The following PDE1A variants were observed in gnomAD, a reference collection of about 807,000 sequenced individuals.
PDE1A encodes the protein dual specificity calcium/calmodulin-dependent 3',5'-cyclic nucleotide phosphodiesterase 1A.
PDE1A carries 35 observed loss-of-function variants against 61.7 expected under a neutral mutation model. The ratio of observed to expected loss-of-function variants is 0.57; its 90% CI spans 0.43 to 0.75. PDE1A has a LOEUF of 0.75. Among genes scored for constraint, PDE1A ranks in the 30% least tolerant of loss-of-function variants. The pLI is 0.00. For missense variants in PDE1A, 597 were observed against 630.6 expected, an observed-to-expected ratio of 0.95 and a Z score of 0.57; for synonymous variants, 232 against 213.2, an observed-to-expected ratio of 1.09 and a Z score of -0.77.
chr2:182,269,934 T>G (rs1692900063), intron 1 of PDE1A, among the ~76,000 whole-genome samples: 1 of 152,186 alleles, frequency 6.6e-6, no homozygotes, highest in African/African-American at 2.4e-5. Context: ...GCTATTGGTA[T>G]ATACCTTCAT....
intron 13 of PDE1A, 117 bp downstream of exon 13, chr2:182,185,775 T>C (rs753548106): frequency 6.5e-7 from 1 of 1,536,654 alleles, no homozygotes. Flanking sequence ...AAATTCCCAA[T>C]ACCATCAAGG....
chr2:182,177,470 G>C (rs1258128240), intron 13 of PDE1A, among the ~76,000 whole-genome samples: 1 of 152,052 alleles, frequency 6.6e-6, no homozygotes, highest in Non-Finnish European at 1.5e-5. Flanking sequence ...TAGCTTATTT[G>C]CATAGAGGTG....
intron 2 of PDE1A, among the ~76,000 whole-genome samples, chr2:182,248,187 C>A (rs1574141402): frequency 6.7e-6 from 1 of 149,120 alleles, no homozygotes; most frequent in Non-Finnish European, 1.5e-5. Context: ...AACCCAGAAC[C>A]AGAGGTTACA....
At chr2:182,159,920 T>G (rs2125295029) in intron 13 of PDE1A, among the ~76,000 whole-genome samples, 1 of 152,282 alleles carries the variant, frequency 6.6e-6, no homozygotes, top group East Asian at 1.9e-4. Context: ...GCCATTGCAC[T>G]TCAGGCTGGG....
At chr2:182,418,361 T>G (rs1057348444) in intron 1 of PDE1A, among the ~76,000 whole-genome samples, 1 of 152,208 alleles carries the variant, frequency 6.6e-6, no homozygotes, top group East Asian at 1.9e-4. Context: ...ACGTTTTTAC[T>G]TTTTAACTTT....
chr2:182,480,598 G>C (rs1687640918), intron 2 of PDE1A, among the ~76,000 whole-genome samples: 1 of 151,954 alleles, frequency 6.6e-6, no homozygotes, highest in Admixed American at 6.6e-5. Flanking sequence ...TGCAAATGAA[G>C]TGATGTGTAG....
At chr2:182,664,699 T>C in the PDE1A span, among the ~76,000 whole-genome samples, 2 of 152,170 alleles carry the variant, frequency 1.3e-5, no homozygotes, top group Non-Finnish European at 2.9e-5. Flanking sequence ...TAACCAGGTG[T>C]CTGGCAGAAA....
At chr2:182,150,391 T>TTTTTTTTTTTTTTTTTTTTTG (rs1279781829) in intron 13 of PDE1A, among the ~76,000 whole-genome samples, 1 of 152,208 alleles carries the variant, frequency 6.6e-6, no homozygotes, top group African/African-American at 2.4e-5. Context: ...GGTTGGCTTT[T>TTTTTTTTTTTTTTTTTTTTTG]AATTCACTGG....
At chr2:182,530,719 A>T in the PDE1A span, among the ~76,000 whole-genome samples, 1 of 152,196 alleles carries the variant, frequency 6.6e-6, no homozygotes, top group Non-Finnish European at 1.5e-5. Context: ...ACAATAACAG[A>T]TAAAGAAAAA....
the PDE1A span, among the ~76,000 whole-genome samples, chr2:182,604,445 G>T: frequency 1.3e-5 from 2 of 152,076 alleles, no homozygotes; most frequent in Admixed American, 1.3e-4. Flanking sequence ...TATAATCACA[G>T]AAAACAGTCA....
intron 2 of PDE1A, among the ~76,000 whole-genome samples, chr2:182,516,793 AAG>A (rs1377018823): frequency 6.8e-5 from 9 of 133,192 alleles, no homozygotes; most frequent in South Asian, 2.7e-4. Context: ...AAAAGAAAGA[AAG>A]AGAGAAAGGA....
the PDE1A span, among the ~76,000 whole-genome samples, chr2:182,565,066 C>T: frequency 5.9e-5 from 9 of 152,328 alleles, no homozygotes; most frequent in East Asian, 1.7e-3. Context: ...CAAAGTCATT[C>T]TCCATCCAGC....
At chr2:182,283,404 TAC>T (rs576318364) in intron 1 of PDE1A, among the ~76,000 whole-genome samples, 15 of 148,402 alleles carry the variant, frequency 1.0e-4, no homozygotes, top group Non-Finnish European at 1.4e-4. Context: ...GTACCTGAGT[TAC>T]ACACACACAC....
At chr2:182,435,266 T>C (rs142640084) in intron 2 of PDE1A, among the ~76,000 whole-genome samples, 1,966 of 152,178 alleles carry the variant, frequency 0.013, 27 homozygotes, top group South Asian at 0.048. Context: ...GGCTTTTGTA[T>C]AGTAGGTAGT....
chr2:182,322,852 G>C (rs550057691), intron 1 of PDE1A, among the ~76,000 whole-genome samples: 1 of 151,868 alleles, frequency 6.6e-6, no homozygotes, highest in Non-Finnish European at 1.5e-5. Context: ...AAATGATTTC[G>C]CAAAAATAAA....
At chr2:182,647,387 C>T in the PDE1A span, among the ~76,000 whole-genome samples, 1 of 152,174 alleles carries the variant, frequency 6.6e-6, no homozygotes, top group Non-Finnish European at 1.5e-5. Flanking sequence ...TAGATTGGAT[C>T]GTACACCTTC....
chr2:182,674,446 A>G, the PDE1A span, among the ~76,000 whole-genome samples: 3 of 152,266 alleles, frequency 2.0e-5, no homozygotes, highest in African/African-American at 4.8e-5. Flanking sequence ...ATAATCTGAT[A>G]GCTGTTTATG....
the PDE1A span, among the ~76,000 whole-genome samples, chr2:182,711,843 C>T: frequency 9.0e-3 from 1,375 of 152,186 alleles, 7 homozygotes; most frequent in South Asian, 0.032. Flanking sequence ...ATAAAAAATC[C>T]ATGAATGCAT....
chr2:182,669,380 T>A, the PDE1A span, among the ~76,000 whole-genome samples: 68 of 152,382 alleles, frequency 4.5e-4, no homozygotes, highest in African/African-American at 1.6e-3. Context: ...TTCCCAGATG[T>A]GGGTTTTTAA....
Sources: gnomAD v4.1 joint callset for allele counts (sites outside exome capture counted in the v4.1 genomes callset) on GRCh38, gnomAD v4.1.1 for gene constraint, MANE v1.5 for transcripts, NCBI Gene and HGNC (gene_info 2026-07-23, HGNC 2026-07-21) for gene names.